Variants in CLCN3 observed in about 807,000 individuals in gnomAD.
The protein encoded by CLCN3 is Cl-/H+ antiporter 3, also known as H(+)/Cl(-) exchange transporter 3.
CLCN3 carries 16 observed loss-of-function variants against 83.4 expected under a neutral mutation model. The observed-to-expected ratio is 0.19, with a 90% CI of 0.13 to 0.29. CLCN3 has a LOEUF of 0.29. Ranked by LOEUF, CLCN3 falls within the 10% of genes least tolerant of loss-of-function variation. The pLI is 1.00. For missense variants in CLCN3, 544 were observed against 1,006.0 expected (o/e 0.54, Z 6.21); for synonymous variants, 322 against 346.2 (o/e 0.93, Z 0.78).
intron 12 of CLCN3, among the ~76,000 whole-genome samples, chr4:169,714,412 C>A (rs908992956): frequency 1.3e-5 from 2 of 151,972 alleles, no homozygotes; most frequent in African/African-American, 2.4e-5. Context: ...CATATTTTCT[C>A]ATTTAACTTT....
intron 11 of CLCN3, among the ~76,000 whole-genome samples, chr4:169,711,835 T>G (rs888738984): frequency 2.6e-5 from 4 of 152,162 alleles, no homozygotes; most frequent in Non-Finnish European, 5.9e-5. Flanking sequence ...GGCTTAAATG[T>G]TTTTGTAGTA....
At chr4:169,632,222 AGGCCTTG>A (rs1773390702) in intron 1 of CLCN3, among the ~76,000 whole-genome samples, 1 of 152,284 alleles carries the variant, frequency 6.6e-6, no homozygotes, top group East Asian at 1.9e-4. Flanking sequence ...GGAGCAACAA[AGGCCTTG>A]GGGCAGGAGT....
intron 12 of CLCN3, among the ~76,000 whole-genome samples, chr4:169,718,615 A>G (rs963794315): frequency 3.3e-5 from 5 of 152,190 alleles, no homozygotes; most frequent in Non-Finnish European, 7.3e-5. Flanking sequence ...CATGACTACA[A>G]ATTTGAATTA....
At chr4:169,686,059 A>G (rs148199725) in intron 3 of CLCN3, among the ~76,000 whole-genome samples, 1,943 of 152,228 alleles carry the variant, frequency 0.013, 36 homozygotes, top group African/African-American at 0.044. Context: ...CATTCTCAGC[A>G]AACTGTCGCA....
intron 1 of CLCN3, among the ~76,000 whole-genome samples, chr4:169,624,724 T>C (rs1279622109): frequency 1.3e-5 from 2 of 152,264 alleles, no homozygotes; most frequent in Non-Finnish European, 2.9e-5. Context: ...TTATAATTTC[T>C]GGTACATTGT....
At chr4:169,622,142 A>T (rs879919522) in intron 1 of CLCN3, among the ~76,000 whole-genome samples, 14 of 152,238 alleles carry the variant, frequency 9.2e-5, no homozygotes, top group Admixed American at 9.2e-4. Context: ...CTTTACTTGA[A>T]TGATGAGTCA....
chr4:169,658,338 G>A (rs938687223), intron 2 of CLCN3, among the ~76,000 whole-genome samples: 9 of 151,674 alleles, frequency 5.9e-5, no homozygotes, highest in East Asian at 1.9e-4. Context: ...TTATTTTACC[G>A]GGAGGATTTC....
intron 12 of CLCN3, 102 bp downstream of exon 12, chr4:169,713,397 GTGGGAAAGTCTGTCCTA>G: frequency 1.1e-6 from 1 of 870,958 alleles, no homozygotes; most frequent in African/African-American, 1.7e-5. Context: ...CAGCTCCCAG[GTGGGAAAGTCTGTCCTA>G]TGGTATAGTC....
chr4:169,668,216 G>A (rs1325549922), intron 2 of CLCN3, among the ~76,000 whole-genome samples: 1 of 151,842 alleles, frequency 6.6e-6, no homozygotes, highest in Non-Finnish European at 1.5e-5. Flanking sequence ...AGATCTCACT[G>A]TGTTTCCCAG....
In CLCN3 at chr4:169,710,009, A is replaced by G. The variant is rs898143562; in HGVS notation, c.2149+2743A>G. On this transcript the variant is annotated intron_variant, in intron 11 of 12. Coordinates refer to ENST00000513761, the MANE Select transcript of CLCN3 (RefSeq NM_001829.4). ...CTACTGGGAACGCTGATGCAGGAGG[A>G]TCCCTGGGACTCTAGAGTCCAGAGT... Among the ~76,000 whole-genome samples, 4 of 152,166 alleles carry G rather than the reference A, an allele frequency of 2.6e-5. No homozygotes were observed. The East Asian group carries it at 5.8e-4, about 22-fold the overall frequency.
At chr4:169,649,493 T>C (rs1216563063) in intron 2 of CLCN3, among the ~76,000 whole-genome samples, 2 of 152,180 alleles carry the variant, frequency 1.3e-5, no homozygotes, top group Non-Finnish European at 2.9e-5. Context: ...TCTAGGACTA[T>C]AGGTAGTGAT....
intron 2 of CLCN3, among the ~76,000 whole-genome samples, chr4:169,657,073 A>G (rs891230259): frequency 3.3e-5 from 5 of 152,176 alleles, no homozygotes; most frequent in Admixed American, 6.6e-5. Flanking sequence ...TTCATAGCCA[A>G]TTTTGTTTCA....
chr4:169,686,376 C>T (rs542254539), intron 3 of CLCN3, among the ~76,000 whole-genome samples: 6 of 149,826 alleles, frequency 4.0e-5, no homozygotes, highest in Non-Finnish European at 7.4e-5. Flanking sequence ...CTGTAGCCCT[C>T]CTTCAGAACA....
At chr4:169,630,808 C>A (rs774013512) in intron 1 of CLCN3, among the ~76,000 whole-genome samples, 2 of 152,158 alleles carry the variant, frequency 1.3e-5, no homozygotes, top group Admixed American at 6.5e-5. Context: ...GGATTACAGG[C>A]GTGAGCCACC....
chr4:169,671,630 C>T (rs1306942585), intron 2 of CLCN3, among the ~76,000 whole-genome samples: 1 of 152,102 alleles, frequency 6.6e-6, no homozygotes, highest in African/African-American at 2.4e-5. Context: ...GAATTTTTCT[C>T]CTCTGTGGGT....
chr4:169,645,853 C>G (rs892347954), intron 2 of CLCN3, among the ~76,000 whole-genome samples: 1 of 152,124 alleles, frequency 6.6e-6, no homozygotes, highest in Non-Finnish European at 1.5e-5. Flanking sequence ...CTGGGTGTTG[C>G]TTCTATTGTG....
At chr4:169,706,448 C>T (rs1359167665) in intron 10 of CLCN3, among the ~76,000 whole-genome samples, 9 of 151,732 alleles carry the variant, frequency 5.9e-5, no homozygotes, top group Non-Finnish European at 1.3e-4. Flanking sequence ...AATATTCTAC[C>T]CATATATGAG....
At chr4:169,676,562 G>A (rs1731685784) in intron 2 of CLCN3, among the ~76,000 whole-genome samples, 1 of 150,514 alleles carries the variant, frequency 6.6e-6, no homozygotes, top group African/African-American at 2.4e-5. Flanking sequence ...GAAATGCAGT[G>A]GCACGACGAC....
At chr4:169,643,070 A>G (rs951504669) in intron 2 of CLCN3, 1 of 152,202 alleles carries the variant, frequency 6.6e-6, no homozygotes, top group Admixed American at 6.5e-5. Context: ...TAACAGAGCT[A>G]TATTATAAAA....
Sources: allele counts gnomAD v4.1 joint callset (sites outside exome capture counted in the v4.1 genomes callset), GRCh38; gene constraint gnomAD v4.1.1; transcripts MANE v1.5; gene names NCBI Gene and HGNC (gene_info 2026-07-23, HGNC 2026-07-21).